ZNF236: variants seen among roughly 807,000 people sequenced by gnomAD.
ZNF236 encodes the protein zinc finger protein 236, also known as regulated by glucose.
ZNF236 carries 50 observed loss-of-function variants against 191.2 expected under a neutral mutation model. The ratio of observed to expected loss-of-function variants is 0.26; its 90% CI spans 0.21 to 0.33. ZNF236 has a LOEUF of 0.33. Ranked by LOEUF, ZNF236 falls within the 10% of genes least tolerant of loss-of-function variation. The probability of loss-of-function intolerance (pLI) is 1.00; values close to 1 mark genes in which losing one functional copy is unlikely to be tolerated. For missense variants in ZNF236, 1,754 were observed against 2,374.5 expected, an observed-to-expected ratio of 0.74 and a Z score of 5.43; for synonymous variants, 907 against 928.8, an observed-to-expected ratio of 0.98 and a Z score of 0.43.
chr18:76,836,966 T>A (rs1241332062), intron 1 of ZNF236, among the ~76,000 whole-genome samples: 2 of 151,348 alleles, frequency 1.3e-5, no homozygotes, highest in African/African-American at 2.4e-5. Flanking sequence ...ACCTTTGACT[T>A]CCAGGTTCAA....
chr18:76,940,036 T>C (rs1381417656), intron 26 of ZNF236, among the ~76,000 whole-genome samples: 1,092 of 51,542 alleles, frequency 0.021, no homozygotes, highest in Admixed American at 0.025. Flanking sequence ...TACCCTAGCA[T>C]TGCGTTTGGG....
chr18:76,880,241 G>T lies in ZNF236; in HGVS notation c.1113G>T (p.Pro371=). The change falls in exon 8 of 31, where the codon CCG becomes CCT. Residue 371 remains proline, a synonymous_variant. Coordinates refer to ENST00000320610, the MANE Select transcript of ZNF236 (RefSeq NM_001306089.2). This position sits in a 1 kb window ranked among gnomAD's most constrained non-coding sequence, Gnocchi z 5.0. ...TCCTGGAGCTCTCAGAGCCGGCGCC[G>T]GTGGAGTCGGGGCAGTCCCCGCAGC... is the stretch of plus-strand genomic sequence containing the variant. ...QQLLELSEPA[P]VESGQSPQPG... is the part of the protein sequence containing the mutation. 1 of 1,614,074 alleles carries T rather than the reference G, an allele frequency of 6.2e-7. No individual in the cohort carries two copies.
intron 1 of ZNF236, among the ~76,000 whole-genome samples, chr18:76,837,597 C>T (rs571603098): frequency 7.2e-5 from 11 of 152,014 alleles, no homozygotes; most frequent in Admixed American, 3.9e-4. Context: ...TGTGCCACCA[C>T]GCCTGGCTAA....
intron 1 of ZNF236, among the ~76,000 whole-genome samples, chr18:76,839,267 G>A (rs1041333956): frequency 2.0e-5 from 3 of 152,184 alleles, no homozygotes; most frequent in East Asian, 1.9e-4. Context: ...TGGATTATAA[G>A]TTATGCATGT....
rs1375902970 is a variant in ZNF236 at position 76,970,518 on chromosome 18, A to G, written c.*2179A>G. ...TTGCAGAACATTCCTTGAAAATATA[A>G]GGTTTTGAAAAGACATAATTTTACT... On this transcript the variant is annotated 3_prime_UTR_variant, in exon 31 of 31. Coordinates refer to ENST00000320610, the MANE Select transcript of ZNF236 (RefSeq NM_001306089.2). 2.0e-5 allele frequency: 3 copies of G among 152,670 alleles called. No individual in the cohort carries two copies. Among genetic ancestry groups the G allele is most frequent in the Non-Finnish European group, 4.4e-5 (3 of 68,036 alleles). The allele number at this position is 152,670 out of a possible 1,614,324, so 9.5% of individuals were successfully genotyped here.
chr18:76,966,903 A>G (rs1262986543), intron 30 of ZNF236, among the ~76,000 whole-genome samples: 1 of 152,232 alleles, frequency 6.6e-6, no homozygotes, highest in Non-Finnish European at 1.5e-5. Context: ...TAGAAATGTT[A>G]AAGTCTGAGT....
At chr18:76,892,738 T>G (rs998742416) in intron 9 of ZNF236, among the ~76,000 whole-genome samples, 1 of 152,158 alleles carries the variant, frequency 6.6e-6, no homozygotes, top group Non-Finnish European at 1.5e-5. Context: ...CAGCAAATTT[T>G]GTATTTTTAG....
chr18:76,838,136 C>T (rs892332775), intron 1 of ZNF236, among the ~76,000 whole-genome samples: 2 of 152,140 alleles, frequency 1.3e-5, no homozygotes, highest in African/African-American at 4.8e-5. Flanking sequence ...TGGCAGAGAA[C>T]ATTCAGTGGA....
intron 1 of ZNF236, among the ~76,000 whole-genome samples, chr18:76,823,555 C>T (rs1974928394): frequency 6.6e-6 from 1 of 152,210 alleles, no homozygotes; most frequent in African/African-American, 2.4e-5. Context: ...CAGTAGGCGT[C>T]AGGAAGTGTT....
At chr18:76,822,879 G>A (rs1162962656) in intron 1 of ZNF236, among the ~76,000 whole-genome samples, 1 of 147,726 alleles carries the variant, frequency 6.8e-6, no homozygotes, top group African/African-American at 2.4e-5. Flanking sequence ...CGCGCGCTGG[G>A]CCTACTTTCC....
At chr18:76,959,030 C>T (rs556110274) in intron 28 of ZNF236, among the ~76,000 whole-genome samples, 50 of 152,364 alleles carry the variant, frequency 3.3e-4, no homozygotes, top group Non-Finnish European at 7.2e-4. Context: ...CAGGTGCCTG[C>T]AAGGGCAGCA....
chr18:76,968,470 C>T lies in ZNF236; in HGVS notation c.*131C>T. On this transcript the variant is annotated 3_prime_UTR_variant, in exon 31 of 31. Transcript: ENST00000320610. ...AATAGTTTTTTATCTATAAAATTATCTAAAGAATCATTGTCTTTCAGAGAC... is the reference window on the plus strand; with the variant it reads ...AATAGTTTTTTATCTATAAAATTATTTAAAGAATCATTGTCTTTCAGAGAC... 1 of 1,450,552 alleles carries T rather than the reference C, an allele frequency of 6.9e-7. No homozygotes were observed. Among genetic ancestry groups the T allele is most frequent in the Non-Finnish European group, 9.0e-7 (1 of 1,114,500 alleles). The allele number at this position is 1,450,552 out of a possible 1,614,324, so 89.9% of individuals were successfully genotyped here.
chr18:76,891,546 T>C (rs1977232951), intron 9 of ZNF236, among the ~76,000 whole-genome samples: 1 of 152,162 alleles, frequency 6.6e-6, no homozygotes, highest in African/African-American at 2.4e-5. Flanking sequence ...TTAATTTTGT[T>C]ATTTTTATTT....
intron 3 of ZNF236, among the ~76,000 whole-genome samples, chr18:76,868,184 G>T (rs1345328934): frequency 6.6e-6 from 1 of 152,150 alleles, no homozygotes; most frequent in African/African-American, 2.4e-5. Context: ...AGTCAGCCGG[G>T]CCACAGCCTG....
At chr18:76,910,029 C>G (rs778189056) in intron 14 of ZNF236, 39 bp from the exon 15 acceptor site, 1 of 1,514,654 alleles carries the variant, frequency 6.6e-7, no homozygotes, top group African/African-American at 1.4e-5. Flanking sequence ...AAATAACTTC[C>G]AAATGTATGC....
At chr18:76,852,601 A>G (rs533376995) in intron 3 of ZNF236, among the ~76,000 whole-genome samples, 4 of 151,950 alleles carry the variant, frequency 2.6e-5, no homozygotes, top group Admixed American at 6.6e-5. Flanking sequence ...GGAGTTTGAA[A>G]CCAGCCTGGA....
At chr18:76,897,947 A>C (rs186153465) in intron 10 of ZNF236, 6 of 152,320 alleles carry the variant, frequency 3.9e-5, no homozygotes, top group Non-Finnish European at 5.9e-5. Context: ...TGCAACCTTG[A>C]TCTCCATGGA....
intron 1 of ZNF236, among the ~76,000 whole-genome samples, chr18:76,826,056 A>G (rs1975008172): frequency 6.6e-6 from 1 of 152,176 alleles, no homozygotes; most frequent in African/African-American, 2.4e-5. Flanking sequence ...TTCCTAAGAA[A>G]ACTCTGCAAG....
At chr18:76,834,307 A>G (rs752392899) in intron 1 of ZNF236, 1 of 169,850 alleles carries the variant, frequency 5.9e-6, no homozygotes, top group African/African-American at 2.4e-5. Context: ...AATTCAATTT[A>G]TAGATGTTTG....
Sources: gnomAD v4.1 joint callset for allele counts (sites outside exome capture counted in the v4.1 genomes callset) on GRCh38, gnomAD v4.1.1 for gene constraint, Gnocchi (gnomAD v3.1) non-coding constraint, MANE v1.5 for transcripts, NCBI Gene and HGNC (gene_info 2026-07-23, HGNC 2026-07-21) for gene names.